Variants in MGMT observed in about 807,000 individuals in gnomAD.
The protein encoded by MGMT is O-6-methylguanine-DNA methyltransferase, also known as methylated-DNA--protein-cysteine methyltransferase.
A neutral mutation model predicts 15.9 loss-of-function variants in MGMT; 14 were observed. That is an observed-to-expected ratio of 0.88 (90% confidence interval 0.58 to 1.37). The LOEUF (loss-of-function observed/expected upper bound fraction) is 1.37. Among genes scored for constraint, MGMT ranks in the 40% most tolerant of loss-of-function variants. The pLI, the probability that MGMT is intolerant of heterozygous loss-of-function variation, is 0.00. For missense variants in MGMT, 282 were observed against 268.1 expected (o/e 1.05, Z -0.36); for synonymous variants, 130 against 118.2 (o/e 1.10, Z -0.65).
intron 2 of MGMT, among the ~76,000 whole-genome samples, chr10:129,579,639 G>A (rs1219958854): frequency 1.3e-5 from 2 of 152,242 alleles, no homozygotes; most frequent in African/African-American, 4.8e-5. Flanking sequence ...GGCGACACAT[G>A]GAACGAGCAT....
At chr10:129,561,066 C>T (rs1370552237) in intron 2 of MGMT, among the ~76,000 whole-genome samples, 2 of 152,090 alleles carry the variant, frequency 1.3e-5, no homozygotes, top group Non-Finnish European at 2.9e-5. Context: ...CCGCCCTTCA[C>T]GCCATTGAGA....
intron 2 of MGMT, among the ~76,000 whole-genome samples, chr10:129,590,404 G>A (rs1047489501): frequency 2.0e-5 from 3 of 152,156 alleles, no homozygotes; most frequent in Admixed American, 2.0e-4. Context: ...TAATTCCTTA[G>A]ATGGCTAACT....
chr10:129,527,390 T>G (rs1469497719), intron 1 of MGMT, among the ~76,000 whole-genome samples: 1 of 152,140 alleles, frequency 6.6e-6, no homozygotes, highest in Non-Finnish European at 1.5e-5. Flanking sequence ...GAGGCTGGCG[T>G]GTTTGAGTTA....
chr10:129,571,949 A>G (rs943113793), intron 2 of MGMT, among the ~76,000 whole-genome samples: 3 of 152,202 alleles, frequency 2.0e-5, no homozygotes, highest in Non-Finnish European at 2.9e-5. Context: ...TCCATTTGAC[A>G]ATTCACGGTG....
chr10:129,732,589 G>A (rs1369880359), intron 3 of MGMT, among the ~76,000 whole-genome samples: 1 of 150,174 alleles, frequency 6.7e-6, no homozygotes, highest in African/African-American at 2.5e-5. Context: ...TAAGTTTTAG[G>A]GTGCATGTGC....
At chr10:129,595,620 T>C (rs1462727923) in intron 2 of MGMT, among the ~76,000 whole-genome samples, 1 of 152,174 alleles carries the variant, frequency 6.6e-6, no homozygotes, top group Admixed American at 6.5e-5. Context: ...GATACTCTTC[T>C]TGGGGCGGGG....
chr10:129,703,417 G>A (rs1017440885), intron 2 of MGMT, among the ~76,000 whole-genome samples: 26 of 152,316 alleles, frequency 1.7e-4, no homozygotes, highest in Non-Finnish European at 2.9e-5. Context: ...TAACTCTGGA[G>A]TCTGAGCAGT....
intron 2 of MGMT, among the ~76,000 whole-genome samples, chr10:129,637,912 C>A (rs772632891): frequency 6.6e-6 from 1 of 152,170 alleles, no homozygotes; most frequent in Non-Finnish European, 1.5e-5. Flanking sequence ...AATGTCTGTT[C>A]TTTAAACCAC....
At chr10:129,588,883 C>T (rs1846648313) in intron 2 of MGMT, among the ~76,000 whole-genome samples, 1 of 152,234 alleles carries the variant, frequency 6.6e-6, no homozygotes, top group East Asian at 1.9e-4. Flanking sequence ...GCTTAATGAA[C>T]AGAGAGGCAT....
At chr10:129,717,721 C>T (rs760665252) in intron 3 of MGMT, 13 of 152,280 alleles carry the variant, frequency 8.5e-5, no homozygotes, top group East Asian at 1.9e-4. Context: ...CCCTCCGTGC[C>T]GCACACCTGG....
At chr10:129,629,602 C>G (rs1054557611) in intron 2 of MGMT, among the ~76,000 whole-genome samples, 2 of 152,194 alleles carry the variant, frequency 1.3e-5, no homozygotes, top group African/African-American at 4.8e-5. Flanking sequence ...GGCACCTTCG[C>G]GTTGATCATC....
chr10:129,536,384 ATG>A lies in MGMT; in HGVS notation c.125+8_125+9del. ...AGGGGACGTCTGCAGCTGAGTAAGT[ATG>A]AGCCCACGTGATCCTGTATACCGCA... On this transcript the variant is annotated splice_region_variant and intron_variant, in intron 2 of 4. Transcript: ENST00000651593. 6.2e-7 allele frequency: 1 copy of A among 1,611,304 alleles called. No individual in the cohort carries two copies. Among genetic ancestry groups the A allele is most frequent in the African/African-American group, 1.3e-5 (1 of 74,764 alleles).
intron 1 of MGMT, among the ~76,000 whole-genome samples, chr10:129,518,091 C>T (rs575959596): frequency 3.3e-5 from 5 of 152,056 alleles, no homozygotes; most frequent in Admixed American, 2.0e-4. Flanking sequence ...GGGATGGCTG[C>T]ACCGGGCACC....
intron 2 of MGMT, among the ~76,000 whole-genome samples, chr10:129,621,027 T>A (rs1202065175): frequency 6.6e-6 from 1 of 152,230 alleles, no homozygotes; most frequent in East Asian, 1.9e-4. Flanking sequence ...GTATCCACAC[T>A]GTCCAGTATG....
intron 1 of MGMT, among the ~76,000 whole-genome samples, chr10:129,516,901 A>G (rs1845744230): frequency 6.6e-6 from 1 of 152,252 alleles, no homozygotes; most frequent in African/African-American, 2.4e-5. Flanking sequence ...GTGAAAGTGG[A>G]GACCTTTGAG....
In MGMT at chr10:129,521,709, C is replaced by T. The variant is rs531289781; in HGVS notation, c.-12-14532C>T. On this transcript the variant is annotated intron_variant, in intron 1 of 4. Coordinates refer to ENST00000651593, the MANE Select transcript of MGMT (RefSeq NM_002412.5). Reference sequence around the variant, plus strand: ...CTGCTGGGGTCAGGGGGTCTCCATCCGCCCACAGTGTCGGCTCAAGAAGTG... The same window carrying T: ...CTGCTGGGGTCAGGGGGTCTCCATCTGCCCACAGTGTCGGCTCAAGAAGTG... Among the ~76,000 whole-genome samples, 23 of 152,292 alleles carry T rather than the reference C, an allele frequency of 1.5e-4. No individual in the cohort carries two copies. In the South Asian group the frequency reaches 4.6e-3, roughly 30 times the overall value.
chr10:129,749,594 G>A (rs1270334563), intron 3 of MGMT, among the ~76,000 whole-genome samples: 1 of 152,130 alleles, frequency 6.6e-6, no homozygotes, highest in South Asian at 2.1e-4. Flanking sequence ...TCACAGGCAG[G>A]TTTTTGTGAG....
intron 2 of MGMT, among the ~76,000 whole-genome samples, chr10:129,684,678 C>G (rs184194766): frequency 8.5e-5 from 13 of 152,294 alleles, no homozygotes; most frequent in Admixed American, 5.2e-4. Flanking sequence ...ATGAGCACCA[C>G]CTAGCTCATT....
intron 1 of MGMT, among the ~76,000 whole-genome samples, chr10:129,526,980 A>C (rs12247004): frequency 0.25 from 37,859 of 152,188 alleles, 5,669 homozygotes; most frequent in African/African-American, 0.43. Context: ...CATGAAAAAT[A>C]AATTTTTTTC....
Sources: gnomAD v4.1 joint callset for allele counts (sites outside exome capture counted in the v4.1 genomes callset) on GRCh38, gnomAD v4.1.1 for gene constraint, MANE v1.5 for transcripts, NCBI Gene and HGNC (gene_info 2026-07-23, HGNC 2026-07-21) for gene names.